The following CX3CR1 variants were observed in gnomAD, a reference collection of about 807,000 sequenced individuals.
CX3CR1 encodes the protein CX3C chemokine receptor 1.
For missense variants in CX3CR1, 363 were observed against 432.4 expected, an observed-to-expected ratio of 0.84 and a Z score of 1.42; for synonymous variants, 168 against 178.5, an observed-to-expected ratio of 0.94 and a Z score of 0.47.
chr3:39,269,583 G>A (rs1396231761), intron 1 of CX3CR1, among the ~76,000 whole-genome samples: 2 of 152,240 alleles, frequency 1.3e-5, no homozygotes, highest in Non-Finnish European at 2.9e-5. Context: ...GGGCAGGATG[G>A]TTTTGCCTGA....
intron 1 of CX3CR1, among the ~76,000 whole-genome samples, chr3:39,270,325 A>G (rs985101573): frequency 6.6e-6 from 1 of 152,244 alleles, no homozygotes; most frequent in Admixed American, 6.5e-5. Context: ...AGACACACAC[A>G]TGCTCAAGCA....
At chr3:39,273,621 T>C (rs1005722385) in intron 1 of CX3CR1, among the ~76,000 whole-genome samples, 1 of 152,200 alleles carries the variant, frequency 6.6e-6, no homozygotes, top group Non-Finnish European at 1.5e-5. Flanking sequence ...TGCTCAATTT[T>C]TCAGCAAGAA....
the CX3CR1 span, among the ~76,000 whole-genome samples, chr3:39,288,494 A>G: frequency 6.6e-6 from 1 of 152,132 alleles, no homozygotes. Context: ...CTATCCCCTG[A>G]GCTCTGTCTC....
Position 39,266,235 on chromosome 3 carries a change from A to G in CX3CR1, c.275T>C (p.Ile92Thr). The G allele has an allele frequency of 6.8e-6, 11 of 1,614,216 alleles. No homozygotes were observed. The highest frequency in any genetic ancestry group is 6.8e-6 in the Non-Finnish European group (8 of 1,180,044). The change falls in exon 2 of 2, where the codon ATA becomes ACA. Residue 92 changes from isoleucine (I) to threonine (T), a missense_variant. Transcript: ENST00000399220. ...ATLPFWTHYL[I>T]NEKGLHNAMC... is the part of the protein sequence containing the mutation. ...GGCATTGTGGAGGCCCTTTTCATTT[A>G]TCAAATAGTGAGTCCAGAAGGGCAA...
intron 1 of CX3CR1, among the ~76,000 whole-genome samples, chr3:39,274,257 A>G (rs2040812517): frequency 1.3e-5 from 2 of 152,128 alleles, no homozygotes; most frequent in Admixed American, 1.3e-4. Flanking sequence ...TATAACACAT[A>G]TCCCTTGGGA....
upstream of CX3CR1, among the ~76,000 whole-genome samples, chr3:39,283,825 ATATATATATATATATAAT>A (rs2040926910): frequency 1.6e-5 from 2 of 124,008 alleles, no homozygotes; most frequent in African/African-American, 3.0e-5. Flanking sequence ...ATATATATAT[ATATATATATATATATAAT>A]GTGGTTAATA....
At chr3:39,282,670 G>A (rs894525018), upstream of CX3CR1, among the ~76,000 whole-genome samples, 48 of 152,148 alleles carry the variant, frequency 3.2e-4, no homozygotes, top group African/African-American at 1.1e-3. Flanking sequence ...AAGCTTTGTG[G>A]GAATGTGGGG....
At chr3:39,292,732 A>G in the CX3CR1 span, among the ~76,000 whole-genome samples, 3 of 152,168 alleles carry the variant, frequency 2.0e-5, no homozygotes, top group African/African-American at 4.8e-5. Context: ...GTCTCTCCCA[A>G]ATTACACAGT....
chr3:39,266,584 G>T, intron 1 of CX3CR1, 66 bp from the exon 2 acceptor site: 1 of 1,496,766 alleles, frequency 6.7e-7, no homozygotes, highest in Non-Finnish European at 9.3e-7. Flanking sequence ...AATTCTGTGT[G>T]GCCTCATATG....
upstream of CX3CR1, chr3:39,281,198 T>G: frequency 3.9e-6 from 4 of 1,017,782 alleles, no homozygotes; most frequent in African/African-American, 1.7e-5. Context: ...CCACCAGCAG[T>G]TTTCTTTCTT....
chr3:39,283,093 T>C (rs1190055788), upstream of CX3CR1, among the ~76,000 whole-genome samples: 2 of 152,184 alleles, frequency 1.3e-5, no homozygotes, highest in South Asian at 2.1e-4. Flanking sequence ...AGTTTCGCCA[T>C]GTACCCAGGC....
intron 1 of CX3CR1, among the ~76,000 whole-genome samples, chr3:39,269,548 G>A (rs1042457946): frequency 6.6e-6 from 1 of 152,234 alleles, no homozygotes; most frequent in African/African-American, 2.4e-5. Context: ...TTCTGCAGAT[G>A]GGATGCAAAT....
chr3:39,281,361 G>T, upstream of CX3CR1: 1 of 713,530 alleles, frequency 1.4e-6, no homozygotes, highest in Non-Finnish European at 1.9e-6. Context: ...GGTCCACTCA[G>T]CTGGGCTGGC....
intron 1 of CX3CR1, among the ~76,000 whole-genome samples, chr3:39,277,817 A>G (rs998330467): frequency 6.6e-6 from 1 of 152,090 alleles, no homozygotes; most frequent in Non-Finnish European, 1.5e-5. Flanking sequence ...ATTCTTCACA[A>G]CCTCATTCAA....
At chr3:39,282,547 C>G (rs183158507), upstream of CX3CR1, among the ~76,000 whole-genome samples, 4 of 152,150 alleles carry the variant, frequency 2.6e-5, no homozygotes, top group African/African-American at 9.7e-5. Flanking sequence ...GGAGGCCAGA[C>G]AGAGAGGCTG....
chr3:39,284,826 G>A (rs111791069), upstream of CX3CR1, among the ~76,000 whole-genome samples: 1,163 of 152,316 alleles, frequency 7.6e-3, 7 homozygotes, highest in Non-Finnish European at 0.013. Context: ...GCAGGGAACA[G>A]CAAGAGGGGA....
At chr3:39,275,237 C>T (rs1156949662) in intron 1 of CX3CR1, among the ~76,000 whole-genome samples, 2 of 152,150 alleles carry the variant, frequency 1.3e-5, no homozygotes, top group Non-Finnish European at 2.9e-5. Flanking sequence ...TTTTTGTCAG[C>T]TTTATGAGCT....
At chr3:39,282,217 G>C (rs974099404), upstream of CX3CR1, among the ~76,000 whole-genome samples, 1 of 152,132 alleles carries the variant, frequency 6.6e-6, no homozygotes, top group South Asian at 2.1e-4. Flanking sequence ...AAGAGCCTTG[G>C]CAGCCTTCCC....
chr3:39,283,843 T>G (rs570571656), upstream of CX3CR1, among the ~76,000 whole-genome samples: 3 of 74,168 alleles, frequency 4.0e-5, no homozygotes, highest in African/African-American at 1.4e-4. Context: ...ATATATATAA[T>G]GTGGTTAATA....
Sources: allele counts gnomAD v4.1 joint callset (sites outside exome capture counted in the v4.1 genomes callset), GRCh38; gene constraint gnomAD v4.1.1; transcripts MANE v1.5; gene names NCBI Gene and HGNC (gene_info 2026-07-23, HGNC 2026-07-21).